The following TPRG1 variants were observed in gnomAD, a reference collection of about 807,000 sequenced individuals.
TPRG1 encodes the protein tumor protein p63 regulated 1.
Under a neutral mutation model 29.3 loss-of-function variants are expected in TPRG1, and 29 were observed. The observed-to-expected ratio is 0.99, with a 90% CI of 0.74 to 1.35. The LOEUF (loss-of-function observed/expected upper bound fraction) is 1.35, where lower values mean the gene tolerates loss of function less well. TPRG1 is among the 40% of genes most tolerant of loss of function. TPRG1 has a pLI of 0.00. For synonymous variants in TPRG1, 130 were observed against 116.8 expected (o/e 1.11, Z -0.73); for missense variants, 327 against 335.0 (o/e 0.98, Z 0.19).
chr3:189,109,106 A>G (rs557313385), intron 1 of TPRG1, among the ~76,000 whole-genome samples: 7 of 152,164 alleles, frequency 4.6e-5, no homozygotes, highest in Admixed American at 3.3e-4. Context: ...AAACAAGCAG[A>G]GGAGAGAGCA....
intron 5 of TPRG1, among the ~76,000 whole-genome samples, chr3:189,164,115 A>G (rs1003580482): frequency 1.3e-5 from 2 of 152,062 alleles, no homozygotes; most frequent in African/African-American, 4.8e-5. Flanking sequence ...TAATGTGAAC[A>G]ATTGTTTCTT....
chr3:189,228,766 C>A (rs1178608715), intron 3 of TPRG1, among the ~76,000 whole-genome samples: 2 of 151,944 alleles, frequency 1.3e-5, no homozygotes, highest in Admixed American at 1.3e-4. Flanking sequence ...GAAGTTCTAG[C>A]CAGCAAAATA....
intron 1 of TPRG1, among the ~76,000 whole-genome samples, chr3:189,182,533 A>G (rs1016446494): frequency 2.0e-5 from 3 of 152,318 alleles, no homozygotes; most frequent in Admixed American, 6.5e-5. Context: ...ATAACATTAG[A>G]TATACCATTA....
At chr3:189,194,244 C>G (rs779183279) in intron 1 of TPRG1, among the ~76,000 whole-genome samples, 1 of 152,086 alleles carries the variant, frequency 6.6e-6, no homozygotes, top group Non-Finnish European at 1.5e-5. Flanking sequence ...GTGGCCATGA[C>G]AGCATAGGTT....
rs544178931 is a variant in TPRG1, at chr3:189,225,001, A to G, written c.302+9618A>G. ...GGCTGGAGTGCAGTGGCGTGATCTCAGCTCACTGCAAGCTCTGCCTCCTGG... is the reference window on the plus strand; with the variant it reads ...GGCTGGAGTGCAGTGGCGTGATCTCGGCTCACTGCAAGCTCTGCCTCCTGG... On this transcript the variant is annotated intron_variant, in intron 3 of 5. Transcript: ENST00000345063. 2.6e-4 allele frequency among the ~76,000 whole-genome samples: 37 copies of G among 145,058 alleles called. 1 individual carries two copies. In the South Asian group the frequency reaches 7.9e-3, roughly 31 times the overall value.
intron 4 of TPRG1, among the ~76,000 whole-genome samples, chr3:189,283,170 G>A (rs1387732600): frequency 6.6e-6 from 1 of 152,118 alleles, no homozygotes; most frequent in Non-Finnish European, 1.5e-5. Flanking sequence ...AATTATTAAA[G>A]GTTTTGGAGT....
intron 4 of TPRG1, among the ~76,000 whole-genome samples, chr3:189,077,553 G>C (rs964476351): frequency 6.6e-6 from 1 of 152,114 alleles, no homozygotes; most frequent in East Asian, 1.9e-4. Context: ...ATTTTGTTGC[G>C]GGAATGATTA....
chr3:189,276,333 A>T (rs754009178), intron 4 of TPRG1, among the ~76,000 whole-genome samples: 1 of 152,156 alleles, frequency 6.6e-6, no homozygotes, highest in African/African-American at 2.4e-5. Context: ...AGAGCATTTT[A>T]AAAAAGTTAA....
intron 4 of TPRG1, among the ~76,000 whole-genome samples, chr3:189,047,683 T>C (rs915543299): frequency 2.0e-5 from 3 of 152,256 alleles, no homozygotes; most frequent in African/African-American, 4.8e-5. Context: ...CTTTATCTTC[T>C]AAGTTTATGT....
intron 4 of TPRG1, among the ~76,000 whole-genome samples, chr3:189,027,904 G>A (rs1475647113): frequency 1.3e-5 from 2 of 152,140 alleles, no homozygotes; most frequent in African/African-American, 2.4e-5. Context: ...ACTTATTACC[G>A]ATTCCTGAGA....
intron 5 of TPRG1, among the ~76,000 whole-genome samples, chr3:189,151,820 G>T (rs1560491926): frequency 6.6e-6 from 1 of 152,098 alleles, no homozygotes. Flanking sequence ...GGCAGAGGTT[G>T]CAGTGAGCCA....
At chr3:189,066,184 C>T (rs1016639312) in intron 4 of TPRG1, among the ~76,000 whole-genome samples, 5 of 151,974 alleles carry the variant, frequency 3.3e-5, no homozygotes, top group South Asian at 4.1e-4. Flanking sequence ...TAAAAGTCTC[C>T]GAGCAAAGGA....
intron 1 of TPRG1, among the ~76,000 whole-genome samples, chr3:189,122,077 C>A (rs1721891282): frequency 6.6e-6 from 1 of 151,864 alleles, no homozygotes; most frequent in South Asian, 2.1e-4. Flanking sequence ...CCTAGAATTG[C>A]TTTGAGTTGT....
intron 3 of TPRG1, among the ~76,000 whole-genome samples, chr3:189,147,043 G>T (rs189752366): frequency 1.3e-5 from 2 of 152,280 alleles, no homozygotes; most frequent in African/African-American, 4.8e-5. Context: ...TTAAGATTTG[G>T]AGAGGCTAAG....
chr3:189,206,919 G>A (rs372528771), intron 1 of TPRG1, among the ~76,000 whole-genome samples: 7 of 151,922 alleles, frequency 4.6e-5, no homozygotes, highest in African/African-American at 1.7e-4. Flanking sequence ...GAATCTTTCA[G>A]TTAAAAACAT....
At chr3:189,318,584 C>G (rs9681114) in intron 5 of TPRG1, among the ~76,000 whole-genome samples, 79,056 of 151,904 alleles carry the variant, frequency 0.52, 23,542 homozygotes, top group African/African-American at 0.81. Flanking sequence ...TAAAACTGAT[C>G]ATAAAAATAG....
Position 189,215,383 on chromosome 3 carries a change from A to G in TPRG1, c.302A>G (p.Lys101Arg), listed in dbSNP as rs1469993479. The change falls in exon 3 of 6, where the codon AAG becomes AGG. Residue 101 changes from lysine (K) to arginine (R), a missense_variant and splice_region_variant. Coordinates refer to ENST00000345063, the MANE Select transcript of TPRG1 (RefSeq NM_198485.4). ...ETIQGFWLLT[K>R]IDHWNNEKER... Reference sequence around the variant, plus strand: ...ATTCAAGGCTTCTGGCTCTTGACAAAGTGAGTAGTCACAGCTAAGTGAAGG... The same window carrying G: ...ATTCAAGGCTTCTGGCTCTTGACAAGGTGAGTAGTCACAGCTAAGTGAAGG... The G allele has an allele frequency of 6.2e-6, 10 of 1,610,772 alleles. No individual in the cohort carries two copies. The highest frequency in any genetic ancestry group is 8.5e-6 in the Non-Finnish European group (10 of 1,178,562).
chr3:189,219,832 T>C (rs1736677183), intron 3 of TPRG1: 1 of 874,636 alleles, frequency 1.1e-6, no homozygotes, highest in Non-Finnish European at 1.4e-6. Context: ...GTAATTCTTG[T>C]TCTTCATCTT....
At chr3:189,233,084 T>C (rs1312986336) in intron 3 of TPRG1, among the ~76,000 whole-genome samples, 1 of 151,904 alleles carries the variant, frequency 6.6e-6, no homozygotes, top group Non-Finnish European at 1.5e-5. Flanking sequence ...GGCTAAGAGG[T>C]TTGAAGGGTG....
Sources: allele counts gnomAD v4.1 joint callset (sites outside exome capture counted in the v4.1 genomes callset), GRCh38; gene constraint gnomAD v4.1.1; transcripts MANE v1.5; gene names NCBI Gene and HGNC (gene_info 2026-07-23, HGNC 2026-07-21).